Variants in EPS8 observed in about 807,000 individuals in gnomAD.
EPS8 encodes EGFR pathway substrate 8, signaling adaptor.
Under a neutral mutation model 103.8 loss-of-function variants are expected in EPS8, and 42 were observed. That is an observed-to-expected ratio of 0.40 (90% CI 0.32 to 0.52). EPS8 has a LOEUF of 0.52. EPS8 is among the 20% of genes least tolerant of loss of function. The pLI is 0.40. For missense variants in EPS8, 969 were observed against 1,005.1 expected, an observed-to-expected ratio of 0.96 and a Z score of 0.49; for synonymous variants, 344 against 344.6, an observed-to-expected ratio of 1.00 and a Z score of 0.02.
chr12:15,763,053 A>G (rs1280004962), intron 1 of EPS8, among the ~76,000 whole-genome samples: 1 of 152,178 alleles, frequency 6.6e-6, no homozygotes, highest in African/African-American at 2.4e-5. Flanking sequence ...CCCCATAAAC[A>G]TATACACCTT....
intron 1 of EPS8, among the ~76,000 whole-genome samples, chr12:15,707,587 A>G (rs1434676825): frequency 6.6e-6 from 1 of 152,110 alleles, no homozygotes; most frequent in Non-Finnish European, 1.5e-5. Context: ...TACAAAACAA[A>G]TACAAATAAA....
At chr12:15,675,114 G>A (rs1184549915) in intron 3 of EPS8, among the ~76,000 whole-genome samples, 2 of 152,216 alleles carry the variant, frequency 1.3e-5, no homozygotes, top group African/African-American at 4.8e-5. Flanking sequence ...TGCTACAAAA[G>A]AGTTGAATCA....
intron 1 of EPS8, among the ~76,000 whole-genome samples, chr12:15,788,777 A>G (rs1275763747): frequency 6.6e-6 from 1 of 152,170 alleles, no homozygotes; most frequent in Non-Finnish European, 1.5e-5. Context: ...CACAAATCCC[A>G]AGTCTAACGT....
rs377074054 is a variant in EPS8, at chr12:15,784,255, G to A, written c.-22+4906C>T. ...TTGCAAAACACATATCTGATAAAGT[G>A]CCTGTATACAAAATGTATAAAGAAC... On this transcript the variant is annotated intron_variant, in intron 1 of 20. Transcript: ENST00000281172. This position sits in a 1 kb window ranked among gnomAD's most constrained non-coding sequence, Gnocchi z 4.0. Among the ~76,000 whole-genome samples the A allele has an allele frequency of 1.3e-5, 2 of 152,218 alleles. No homozygotes were observed. Among genetic ancestry groups the A allele is most frequent in the African/African-American group, 4.8e-5 (2 of 41,554 alleles).
intron 15 of EPS8, 65 bp downstream of exon 15, chr12:15,647,062 C>T: frequency 6.8e-7 from 1 of 1,465,624 alleles, no homozygotes; most frequent in Non-Finnish European, 9.3e-7. Context: ...ACACTGTCAC[C>T]TCTGTTAGCA....
Position 15,623,197 on chromosome 12 carries a change from T to C in EPS8, c.2316A>G (p.Arg772=), listed in dbSNP as rs1944888488. The change falls in exon 20 of 21, where the codon AGA becomes AGG. Residue 772 remains arginine (R), a synonymous_variant. Coordinates refer to ENST00000281172, the MANE Select transcript of EPS8 (RefSeq NM_004447.6). Reference sequence around the variant, plus strand: ...TTTGTACAGTGATTTGGCTATAGACTCTCGCCCCTTCAGGGCAGACTGTCC... The same window carrying C: ...TTTGTACAGTGATTTGGCTATAGACCCTCGCCCCTTCAGGGCAGACTGTCC... The part of the protein sequence containing the change: ...ELRTVCPEGA[R]VYSQITVQKA... The C allele has an allele frequency of 6.2e-7, 1 of 1,612,516 alleles. No individual in the cohort carries two copies. Among genetic ancestry groups the C allele is most frequent in the Admixed American group, 1.7e-5 (1 of 59,770 alleles).
At chr12:15,692,770 C>T (rs888047839) in intron 1 of EPS8, among the ~76,000 whole-genome samples, 3 of 151,604 alleles carry the variant, frequency 2.0e-5, no homozygotes, top group Non-Finnish European at 4.4e-5. Flanking sequence ...GTAGCTTCCT[C>T]TTCTTTATAT....
intron 1 of EPS8, among the ~76,000 whole-genome samples, chr12:15,732,120 CATTTTCATAAGTCTAT>C (rs1946723300): frequency 6.6e-6 from 1 of 152,216 alleles, no homozygotes; most frequent in East Asian, 1.9e-4. Context: ...CCAATTAACC[CATTTTCATAAGTCTAT>C]ATTAATCTCA....
chr12:15,773,392 T>C (rs144077529), intron 1 of EPS8, among the ~76,000 whole-genome samples: 114 of 152,234 alleles, frequency 7.5e-4, no homozygotes, highest in African/African-American at 2.6e-3. Flanking sequence ...AGCCACAAAA[T>C]TTCAATCATC....
chr12:15,658,481 C>T lies in EPS8; in HGVS notation c.1026+16G>A. On this transcript the variant is annotated intron_variant, in intron 11 of 20. Coordinates refer to ENST00000281172, the MANE Select transcript of EPS8 (RefSeq NM_004447.6). ...CATTTATTTCTTCTAATTCTATATA[C>T]ATAAATTTCACTTACCAGAAGGTTA... is the stretch of plus-strand genomic sequence containing the variant. 1 of 1,460,848 alleles carries T rather than the reference C, an allele frequency of 6.8e-7. No homozygotes were observed. Among genetic ancestry groups the T allele is most frequent in the Non-Finnish European group, 9.6e-7 (1 of 1,041,828 alleles). The allele number at this position is 1,460,848 out of a possible 1,614,324, so 90.5% of individuals were successfully genotyped here. A position where few individuals can be genotyped will look rare whatever the true frequency, so the allele number is the denominator to read the frequency against.
chr12:15,684,134 T>C lies in EPS8; in HGVS notation c.-21-1162A>G, dbSNP rs1466826498. On this transcript the variant is annotated intron_variant, in intron 1 of 20. Transcript: ENST00000281172. The surrounding 1 kb of genome is among the most constrained non-coding windows in gnomAD (Gnocchi z 4.9). ...CTTATCATTACAAAGGGAACATTCA[T>C]CATAACACGGATGCAAATAATAACA... 5 of 152,284 alleles carry C rather than the reference T, an allele frequency of 3.3e-5. No homozygotes were observed. In the East Asian group the frequency reaches 9.7e-4, roughly 29 times the overall value. 9.4% of individuals were successfully genotyped at this position (152,284 alleles called of 1,614,324 possible).
intron 2 of EPS8, among the ~76,000 whole-genome samples, chr12:15,681,582 T>C (rs1402699236): frequency 1.3e-5 from 2 of 151,324 alleles, no homozygotes; most frequent in Admixed American, 6.6e-5. Context: ...AATACAAAAT[T>C]AGCCGGGCGT....
chr12:15,637,309 T>C (rs991470575), intron 17 of EPS8, among the ~76,000 whole-genome samples: 2 of 152,332 alleles, frequency 1.3e-5, no homozygotes, highest in East Asian at 3.9e-4. Flanking sequence ...GCGTGAGCCA[T>C]TGTGCCCACC....
intron 1 of EPS8, among the ~76,000 whole-genome samples, chr12:15,740,070 A>G (rs1048190629): frequency 6.6e-6 from 1 of 152,166 alleles, no homozygotes; most frequent in Non-Finnish European, 1.5e-5. Context: ...GATAAAAAGC[A>G]TGCTCAAAGA....
At chr12:15,656,879 C>A (rs935209694) in intron 12 of EPS8, among the ~76,000 whole-genome samples, 4 of 152,152 alleles carry the variant, frequency 2.6e-5, no homozygotes, top group African/African-American at 9.7e-5. Context: ...TTGGCTCTTG[C>A]ACAGTATATC....
At position 15,781,255 on chromosome 12, in the gene EPS8, A is replaced by G. The variant is rs1377375129; in HGVS notation, c.-22+7906T>C. ...GCTTAAATACACAAACTTTTTCGCT[A>G]TTCTTGTTTGGCACAGTAGTAATTT... On this transcript the variant is annotated intron_variant, in intron 1 of 20. Transcript: ENST00000281172. The surrounding 1 kb of genome is among the most constrained non-coding windows in gnomAD (Gnocchi z 4.1). Among the ~76,000 whole-genome samples, 1 of 152,208 alleles carries G rather than the reference A, an allele frequency of 6.6e-6. No individual in the cohort carries two copies. The highest frequency in any genetic ancestry group is 1.5e-5 in the Non-Finnish European group (1 of 68,026).
intron 15 of EPS8, among the ~76,000 whole-genome samples, chr12:15,643,294 T>C (rs559552642): frequency 2.0e-5 from 3 of 152,196 alleles, no homozygotes; most frequent in East Asian, 3.9e-4. Context: ...TTTTTTGTTA[T>C]CTTGCAGGTC....
chr12:15,637,332 C>G (rs1287780053), intron 17 of EPS8, among the ~76,000 whole-genome samples: 3 of 152,222 alleles, frequency 2.0e-5, no homozygotes, highest in African/African-American at 4.8e-5. Context: ...AAATGAGAAC[C>G]TTTTATAATC....
chr12:15,742,714 C>A (rs1203996703), intron 1 of EPS8, among the ~76,000 whole-genome samples: 3 of 152,180 alleles, frequency 2.0e-5, no homozygotes, highest in Non-Finnish European at 4.4e-5. Context: ...TTCAACAGCC[C>A]TTCATGCTAA....
Sources: gnomAD v4.1 joint callset for allele counts (sites outside exome capture counted in the v4.1 genomes callset) on GRCh38, gnomAD v4.1.1 for gene constraint, Gnocchi (gnomAD v3.1) non-coding constraint, MANE v1.5 for transcripts, NCBI Gene and HGNC (gene_info 2026-07-23, HGNC 2026-07-21) for gene names.